Variants in RANBP3L observed in about 807,000 individuals in gnomAD.
The protein encoded by RANBP3L is ran-binding protein 3-like.
A neutral mutation model predicts 67.2 loss-of-function variants in RANBP3L; 56 were observed. That is an observed-to-expected ratio of 0.83 (90% confidence interval 0.67 to 1.04). RANBP3L has a LOEUF of 1.04. Ranked by LOEUF, RANBP3L falls within the 50% of genes least tolerant of loss-of-function variation. The probability of loss-of-function intolerance (pLI) is 0.00; values close to 1 mark genes in which losing one functional copy is unlikely to be tolerated. For synonymous variants in RANBP3L, 164 were observed against 181.4 expected (o/e 0.90, Z 0.77); for missense variants, 496 against 535.5 (o/e 0.93, Z 0.73).
intron 1 of RANBP3L, among the ~76,000 whole-genome samples, chr5:36,297,608 G>A (rs528907211): frequency 3.3e-5 from 5 of 152,318 alleles, no homozygotes; most frequent in African/African-American, 9.6e-5. Context: ...TACATGTAAT[G>A]TGTAATGAGC....
At chr5:36,291,353 T>G in intron 1 of RANBP3L, among the ~76,000 whole-genome samples, 1 of 150,860 alleles carries the variant, frequency 6.6e-6, no homozygotes, top group East Asian at 1.9e-4. Context: ...TAATTTTTTA[T>G]TTTTTTATTT....
intron 6 of RANBP3L, among the ~76,000 whole-genome samples, chr5:36,262,390 G>T (rs1749460498): frequency 6.6e-6 from 1 of 152,066 alleles, no homozygotes; most frequent in South Asian, 2.1e-4. Context: ...CTCATTTCTG[G>T]ATTAGTAAAG....
At chr5:36,256,758 C>A in intron 10 of RANBP3L, 183 bp downstream of exon 10, 1 of 583,116 alleles carries the variant, frequency 1.7e-6, no homozygotes, top group Non-Finnish European at 2.9e-6. Flanking sequence ...GGTACACATA[C>A]AAACACAAGA....
chr5:36,262,131 T>C (rs1480198674), intron 6 of RANBP3L, 89 bp from the exon 7 acceptor site: 2 of 674,150 alleles, frequency 3.0e-6, no homozygotes, highest in Non-Finnish European at 5.2e-6. Context: ...TAGTTAAATA[T>C]ATTGAAAGCT....
At chr5:36,261,805 A>C (rs999559628) in intron 7 of RANBP3L, 134 bp downstream of exon 7, 1 of 495,228 alleles carries the variant, frequency 2.0e-6, no homozygotes, top group African/African-American at 2.0e-5. Context: ...TGTGTTTCCT[A>C]TAAAATCTCC....
In RANBP3L at chr5:36,298,950, T is replaced by G. The variant is rs139032415; in HGVS notation, c.91+2376A>C. Among the ~76,000 whole-genome samples the G allele has an allele frequency of 4.5e-3, 684 of 152,244 alleles. 7 individuals carry two copies. Among genetic ancestry groups the G allele is most frequent in the African/African-American group, 0.016 (659 of 41,548 alleles). On this transcript the variant is annotated intron_variant, in intron 1 of 13. Transcript: ENST00000296604. ...CTTGATTGGATTGAAGGATACAAAG[T>G]ATTGATCCTGGGTGTGTCTGTGAGG...
At position 36,265,441 on chromosome 5, in the gene RANBP3L, C is replaced by T; in HGVS notation, c.340+8G>A. On this transcript the variant is annotated splice_region_variant and intron_variant, in intron 5 of 13. Coordinates refer to ENST00000296604, the MANE Select transcript of RANBP3L (RefSeq NM_145000.5). ...ATTTCTGAGGTTCTTGAAATAGAAGCTACATACCTTGTTCAGCACTCTTTA... is the reference window on the plus strand; with the variant it reads ...ATTTCTGAGGTTCTTGAAATAGAAGTTACATACCTTGTTCAGCACTCTTTA... The T allele has an allele frequency of 6.4e-7, 1 of 1,552,420 alleles. No individual in the cohort carries two copies. The highest frequency in any genetic ancestry group is 8.8e-7 in the Non-Finnish European group (1 of 1,130,356).
intron 1 of RANBP3L, among the ~76,000 whole-genome samples, chr5:36,285,383 A>T (rs1177464362): frequency 6.6e-6 from 1 of 152,192 alleles, no homozygotes; most frequent in Non-Finnish European, 1.5e-5. Context: ...CATAACAAAG[A>T]ATATCAATAA....
At chr5:36,295,673 G>GTT (rs11318481) in intron 1 of RANBP3L, among the ~76,000 whole-genome samples, 5,166 of 120,456 alleles carry the variant, frequency 0.043, 173 homozygotes, top group Non-Finnish European at 0.064. Flanking sequence ...GTTATATCCT[G>GTT]TTTTTTTTTT....
intron 8 of RANBP3L, among the ~76,000 whole-genome samples, chr5:36,260,291 G>C (rs1749280512): frequency 6.6e-6 from 1 of 150,738 alleles, no homozygotes; most frequent in East Asian, 1.9e-4. Context: ...AACCCAGGAG[G>C]CGGAGGTTGC....
intron 2 of RANBP3L, 50 bp downstream of exon 2, chr5:36,271,203 A>G: frequency 9.6e-7 from 1 of 1,044,734 alleles, no homozygotes; most frequent in Non-Finnish European, 1.5e-6. Flanking sequence ...TTCCTGAAAT[A>G]TAATTGTCTT....
chr5:36,277,440 A>G (rs866957360), intron 1 of RANBP3L, among the ~76,000 whole-genome samples: 1,396 of 114,970 alleles, frequency 0.012, 19 homozygotes, highest in African/African-American at 0.036. Flanking sequence ...ATATATATAT[A>G]TGTGTGTGTG....
intron 1 of RANBP3L, among the ~76,000 whole-genome samples, chr5:36,298,627 T>C (rs752314664): frequency 3.0e-4 from 46 of 152,344 alleles, no homozygotes; most frequent in Non-Finnish European, 5.4e-4. Flanking sequence ...GAATGCAATT[T>C]AGCAACACAG....
rs1349608229 is a variant in RANBP3L at position 36,248,301 on chromosome 5, C to G, written c.*1353G>C. 6.6e-6 allele frequency: 1 copy of G among 151,986 alleles called. No homozygotes were observed. The highest frequency in any genetic ancestry group is 1.5e-5 in the Non-Finnish European group (1 of 68,000). The allele number at this position is 151,986 out of a possible 1,614,324, so 9.4% of individuals were successfully genotyped here. A position where few individuals can be genotyped will look rare whatever the true frequency, so the allele number is the denominator to read the frequency against. ...AGAATCACTGGAAGAATGAATGGGC[C>G]TCTCTTAGTAGTTATATTAAGTTAT... On this transcript the variant is annotated 3_prime_UTR_variant, in exon 14 of 14. Coordinates refer to ENST00000296604, the MANE Select transcript of RANBP3L (RefSeq NM_145000.5).
intron 3 of RANBP3L, 74 bp downstream of exon 3, chr5:36,269,877 A>T (rs1372044158): frequency 8.2e-7 from 1 of 1,212,432 alleles, no homozygotes; most frequent in Non-Finnish European, 1.2e-6. Flanking sequence ...TCTGTGCCAC[A>T]TGCCAAAATA....
intron 1 of RANBP3L, among the ~76,000 whole-genome samples, chr5:36,274,858 T>C (rs1750466020): frequency 6.6e-6 from 1 of 152,154 alleles, no homozygotes; most frequent in Admixed American, 6.5e-5. Flanking sequence ...GCTGCTCTTT[T>C]TTCTTTGTTT....
At chr5:36,265,998 AAAG>A (rs1192481209) in intron 4 of RANBP3L, among the ~76,000 whole-genome samples, 1 of 151,176 alleles carries the variant, frequency 6.6e-6, no homozygotes, top group Admixed American at 6.6e-5. Context: ...AAAAAAAAAA[AAAG>A]ATATTGCCGG....
Position 36,255,676 on chromosome 5 carries a change from G to A in RANBP3L, c.904-86C>T, listed in dbSNP as rs543713513. 6.3e-6 allele frequency: 5 copies of A among 796,160 alleles called. No homozygotes were observed. In the South Asian group the frequency reaches 8.0e-5, roughly 13 times the overall value. The allele number at this position is 796,160 out of a possible 1,614,324, so 49.3% of individuals were successfully genotyped here. A position where few individuals can be genotyped will look rare whatever the true frequency, so the allele number is the denominator to read the frequency against. On this transcript the variant is annotated intron_variant, in intron 10 of 13. Coordinates refer to ENST00000296604, the MANE Select transcript of RANBP3L (RefSeq NM_145000.5). ...CCTATGTTATGACACGTTTATATGT[G>A]TCTAGTCTTTTACCAAAATAATCTT...
chr5:36,249,577 C>A lies in RANBP3L; in HGVS notation c.*77G>T. On this transcript the variant is annotated 3_prime_UTR_variant, in exon 14 of 14. Transcript: ENST00000296604. ...CTTCAAGGAATGAATAGAATCTTCTCATTAGTTAGGGTGGTTTAGTATTTT... is the reference window on the plus strand; with the variant it reads ...CTTCAAGGAATGAATAGAATCTTCTAATTAGTTAGGGTGGTTTAGTATTTT... The A allele has an allele frequency of 1.6e-6, 1 of 623,390 alleles. No homozygotes were observed. Among genetic ancestry groups the A allele is most frequent in the South Asian group, 3.0e-5 (1 of 33,876 alleles). The allele number at this position is 623,390 out of a possible 1,614,324, so 38.6% of individuals were successfully genotyped here.
Sources: allele counts gnomAD v4.1 joint callset (sites outside exome capture counted in the v4.1 genomes callset), GRCh38; gene constraint gnomAD v4.1.1; transcripts MANE v1.5; gene names NCBI Gene and HGNC (gene_info 2026-07-23, HGNC 2026-07-21).